LUZP2: variants seen among roughly 807,000 people sequenced by gnomAD.
The protein encoded by LUZP2 is leucine zipper protein 2.
LUZP2 carries 52 observed loss-of-function variants against 51.6 expected under a neutral mutation model. The ratio of observed to expected loss-of-function variants is 1.01; its 90% confidence interval spans 0.81 to 1.27. The LOEUF is 1.27. Among genes scored for constraint, LUZP2 ranks in the 50% most tolerant of loss-of-function variants. The probability of loss-of-function intolerance (pLI) is 0.00; values close to 1 mark genes in which losing one functional copy is unlikely to be tolerated. For synonymous variants in LUZP2, 154 were observed against 137.3 expected, an observed-to-expected ratio of 1.12 and a Z score of -0.85; for missense variants, 436 against 395.4, an observed-to-expected ratio of 1.10 and a Z score of -0.87.
chr11:24,701,592 C>T (rs1857424084), intron 1 of LUZP2: 1 of 153,350 alleles, frequency 6.5e-6, no homozygotes, highest in Non-Finnish European at 1.5e-5. Context: ...CATAGTGTCT[C>T]AACAGTGGTT....
chr11:24,983,102 A>G, intron 8 of LUZP2, 24 bp from the exon 9 acceptor site: 1 of 1,608,732 alleles, frequency 6.2e-7, no homozygotes, highest in Non-Finnish European at 8.5e-7. Context: ...AAATGTAAAT[A>G]TGTTAATGCC....
At chr11:24,889,759 A>G (rs1852788769) in intron 5 of LUZP2, among the ~76,000 whole-genome samples, 1 of 152,170 alleles carries the variant, frequency 6.6e-6, no homozygotes, top group African/African-American at 2.4e-5. Context: ...AACTCTGGCA[A>G]TGACATTTAG....
At chr11:24,592,681 T>C (rs1233339848) in intron 1 of LUZP2, among the ~76,000 whole-genome samples, 1 of 56,572 alleles carries the variant, frequency 1.8e-5, no homozygotes, top group Non-Finnish European at 4.0e-5. Flanking sequence ...TGGATGTGTG[T>C]TGGAGAAAAG....
chr11:24,842,213 TTA>T (rs1255714324), intron 5 of LUZP2, among the ~76,000 whole-genome samples: 3 of 149,222 alleles, frequency 2.0e-5, no homozygotes, highest in Non-Finnish European at 4.5e-5. Flanking sequence ...TCAATTATAT[TTA>T]TATTATTAGT....
chr11:24,569,901 A>C (rs12272025), intron 1 of LUZP2, among the ~76,000 whole-genome samples: 6,548 of 152,014 alleles, frequency 0.043, 432 homozygotes, highest in African/African-American at 0.15. Context: ...GAAGACATCA[A>C]AATCAATGTT....
chr11:24,950,670 A>G (rs1475870212), intron 7 of LUZP2, among the ~76,000 whole-genome samples: 1 of 151,640 alleles, frequency 6.6e-6, no homozygotes, highest in African/African-American at 2.4e-5. Flanking sequence ...CCAAAGTTAT[A>G]GCTCAAACTT....
Position 24,682,610 on chromosome 11 carries a change from GTATGTGTATA to G in LUZP2, c.63-46555_63-46546del, listed in dbSNP as rs1240138711. ...TATGTGTGTGTGTGTATATATATGT[GTATGTGTATA>G]TATATATATACACATATATATACAC... On this transcript the variant is annotated intron_variant, in intron 1 of 11. Transcript: ENST00000336930. 3.3e-4 allele frequency among the ~76,000 whole-genome samples: 33 copies of G among 99,772 alleles called. No individual in the cohort carries two copies. The South Asian group carries it at 0.012, about 36-fold the overall frequency. 65.5% of individuals were successfully genotyped at this position (99,772 alleles called of 152,430 possible). A position where few individuals can be genotyped will look rare whatever the true frequency, so the allele number is the denominator to read the frequency against.
rs539181842 is a variant in LUZP2 at position 24,797,328 on chromosome 11, AC to A, written c.396+34021del. ...AAGGGTCGTAGAAATTCTGAAAACC[AC>A]AATTGATGTGATGCCAGGAAGATGA... On this transcript the variant is annotated intron_variant, in intron 5 of 11. Coordinates refer to ENST00000336930, the MANE Select transcript of LUZP2 (RefSeq NM_001009909.4). 1.3e-3 allele frequency among the ~76,000 whole-genome samples: 202 copies of A among 152,296 alleles called. 2 individuals are homozygous for A. The highest frequency in any genetic ancestry group is 4.6e-3 in the African/African-American group (191 of 41,566).
At chr11:24,725,911 G>T in intron 1 of LUZP2, among the ~76,000 whole-genome samples, 1 of 152,124 alleles carries the variant, frequency 6.6e-6, no homozygotes, top group East Asian at 1.9e-4. Flanking sequence ...GGAAGATGCT[G>T]TGGAGAGACA....
chr11:24,933,821 G>A lies in LUZP2; in HGVS notation c.522+19283G>A, dbSNP rs559629890. On this transcript the variant is annotated intron_variant, in intron 7 of 11. Transcript: ENST00000336930. ...TGAGTCCGAAAAGAGAGTCATCAAA[G>A]GGTGGTGGGATTATCATTAGTTCTT... 4.8e-4 allele frequency among the ~76,000 whole-genome samples: 73 copies of A among 152,286 alleles called. 1 individual carries two copies. Among genetic ancestry groups the A allele is most frequent in the African/African-American group, 1.6e-3 (68 of 41,538 alleles).
At chr11:24,826,519 T>C (rs1160742935) in intron 5 of LUZP2, among the ~76,000 whole-genome samples, 2 of 151,780 alleles carry the variant, frequency 1.3e-5, no homozygotes, top group South Asian at 4.2e-4. Context: ...ATTAAACTTT[T>C]TTTTTTTTTT....
intron 1 of LUZP2, among the ~76,000 whole-genome samples, chr11:24,584,549 A>C (rs770894782): frequency 1.7e-4 from 26 of 152,218 alleles, no homozygotes; most frequent in Non-Finnish European, 5.9e-5. Flanking sequence ...GAGAGCCCTC[A>C]GTAAAGTTTT....
At chr11:24,669,482 C>A (rs1358267813) in intron 1 of LUZP2, among the ~76,000 whole-genome samples, 1 of 151,964 alleles carries the variant, frequency 6.6e-6, no homozygotes, top group African/African-American at 2.4e-5. Flanking sequence ...TTGGGGATTA[C>A]AATTAATGCT....
chr11:24,769,661 A>G (rs1365573637), intron 5 of LUZP2, among the ~76,000 whole-genome samples: 1 of 147,626 alleles, frequency 6.8e-6, no homozygotes, highest in Admixed American at 6.8e-5. Context: ...TGGGGCAGAT[A>G]TTTTTTTCCT....
chr11:25,009,169 G>A (rs1856916500), intron 9 of LUZP2, among the ~76,000 whole-genome samples: 3 of 152,162 alleles, frequency 2.0e-5, no homozygotes, highest in Non-Finnish European at 1.5e-5. Context: ...TTTGAGGAGG[G>A]AGGAACAGAG....
intron 7 of LUZP2, among the ~76,000 whole-genome samples, chr11:24,922,825 C>CTTTTTTTTTTTTTTTTTTT (rs1277388215): frequency 2.2e-5 from 1 of 44,622 alleles, no homozygotes. Context: ...ACAGTTATAT[C>CTTTTTTTTTTTTTTTTTTT]TTTTTTTTTT....
At chr11:25,063,330 A>G (rs977332426) in intron 10 of LUZP2, among the ~76,000 whole-genome samples, 2 of 151,654 alleles carry the variant, frequency 1.3e-5, no homozygotes, top group African/African-American at 4.8e-5. Flanking sequence ...ATGATGGAAG[A>G]AATCTCCAGC....
At chr11:25,011,136 T>C (rs921434134) in intron 9 of LUZP2, among the ~76,000 whole-genome samples, 4 of 152,164 alleles carry the variant, frequency 2.6e-5, no homozygotes, top group African/African-American at 9.7e-5. Context: ...TATTTTATTT[T>C]AGTTTCCTTA....
At chr11:24,723,573 C>T (rs1428676690) in intron 1 of LUZP2, among the ~76,000 whole-genome samples, 3 of 152,184 alleles carry the variant, frequency 2.0e-5, no homozygotes, top group Non-Finnish European at 4.4e-5. Context: ...TGCCTATAAT[C>T]CCAGCACTTT....
Sources: allele counts gnomAD v4.1 joint callset (sites outside exome capture counted in the v4.1 genomes callset), GRCh38; gene constraint gnomAD v4.1.1; transcripts MANE v1.5; gene names NCBI Gene and HGNC (gene_info 2026-07-23, HGNC 2026-07-21).